The following NRG1 variants were observed in gnomAD, a reference collection of about 807,000 sequenced individuals.
NRG1 encodes the protein pro-neuregulin-1, membrane-bound isoform.
In NRG1, 18 loss-of-function variants were observed where a neutral mutation model predicts 63.8. The observed-to-expected ratio is 0.28, with a 90% CI of 0.19 to 0.42. The LOEUF is 0.42. Ranked by LOEUF, NRG1 falls within the 10% of genes least tolerant of loss-of-function variation. The probability of loss-of-function intolerance (pLI) is 1.00; values close to 1 mark genes in which losing one functional copy is unlikely to be tolerated. For synonymous variants in NRG1, 302 were observed against 301.3 expected, an observed-to-expected ratio of 1.00 and a Z score of -0.02; for missense variants, 762 against 814.7, an observed-to-expected ratio of 0.94 and a Z score of 0.79.
chr8:32,451,677 C>T (rs375713008), intron 1 of NRG1, among the ~76,000 whole-genome samples: 60 of 152,306 alleles, frequency 3.9e-4, no homozygotes, highest in African/African-American at 1.3e-3. Context: ...TTCTCCATGC[C>T]TCCTCAAGCT....
intron 1 of NRG1, among the ~76,000 whole-genome samples, chr8:32,414,325 G>A (rs2129485677): frequency 6.6e-6 from 1 of 152,258 alleles, no homozygotes; most frequent in Middle Eastern, 3.4e-3. Flanking sequence ...GACTCAACTG[G>A]TTTCTACCAC....
intron 1 of NRG1, among the ~76,000 whole-genome samples, chr8:31,835,812 G>A (rs563511542): frequency 6.6e-6 from 1 of 152,222 alleles, no homozygotes; most frequent in African/African-American, 2.4e-5. Context: ...TCAGTTTATA[G>A]AGTCTGCTAG....
At chr8:32,291,310 A>AAAG (rs1854170210) in intron 1 of NRG1, among the ~76,000 whole-genome samples, 1 of 152,188 alleles carries the variant, frequency 6.6e-6, no homozygotes, top group South Asian at 2.1e-4. Flanking sequence ...CATAACATAC[A>AAAG]AAGTTAGCCA....
chr8:32,735,859 C>A (rs1265133140), intron 6 of NRG1, among the ~76,000 whole-genome samples: 1 of 152,138 alleles, frequency 6.6e-6, no homozygotes, highest in Non-Finnish European at 1.5e-5. Context: ...GATTATATGT[C>A]CTGGACATTG....
intron 1 of NRG1, among the ~76,000 whole-genome samples, chr8:31,823,379 C>T (rs920568397): frequency 7.9e-5 from 12 of 151,984 alleles, no homozygotes; most frequent in African/African-American, 2.9e-4. Context: ...ATTATAAATT[C>T]AGTTTTATTA....
chr8:32,456,519 T>A (rs1230853312), intron 1 of NRG1, among the ~76,000 whole-genome samples: 2 of 152,186 alleles, frequency 1.3e-5, no homozygotes, highest in Non-Finnish European at 2.9e-5. Flanking sequence ...ATGACCAGGG[T>A]AAAGACCTTT....
intron 1 of NRG1, among the ~76,000 whole-genome samples, chr8:32,106,243 C>A (rs1221052681): frequency 6.6e-6 from 1 of 152,210 alleles, no homozygotes; most frequent in Non-Finnish European, 1.5e-5. Flanking sequence ...TTTTAACATA[C>A]ATGCTGATTT....
At chr8:32,353,072 G>A (rs1805851125) in intron 1 of NRG1, among the ~76,000 whole-genome samples, 1 of 150,292 alleles carries the variant, frequency 6.7e-6, no homozygotes, top group South Asian at 2.1e-4. Context: ...ACAAATTTCT[G>A]AAATGGACAA....
chr8:31,784,286 A>C (rs1397195694), intron 1 of NRG1, among the ~76,000 whole-genome samples: 1 of 152,198 alleles, frequency 6.6e-6, no homozygotes, highest in Non-Finnish European at 1.5e-5. Flanking sequence ...ATAAACACTC[A>C]CTACTTGTTA....
At chr8:31,835,390 G>A (rs1395906285) in intron 1 of NRG1, among the ~76,000 whole-genome samples, 1 of 152,116 alleles carries the variant, frequency 6.6e-6, no homozygotes, top group East Asian at 1.9e-4. Context: ...GCTGGTTTGA[G>A]AACATGTAGT....
intron 1 of NRG1, among the ~76,000 whole-genome samples, chr8:32,292,665 G>T (rs1223341817): frequency 6.6e-6 from 1 of 152,134 alleles, no homozygotes. Flanking sequence ...AAACTAAATG[G>T]TTAACTAATA....
chr8:31,936,772 CAG>C (rs1249342965), intron 1 of NRG1, among the ~76,000 whole-genome samples: 2 of 152,174 alleles, frequency 1.3e-5, no homozygotes, highest in Non-Finnish European at 2.9e-5. Flanking sequence ...ATTATCCCTT[CAG>C]GCTGTTGGAT....
intron 1 of NRG1, among the ~76,000 whole-genome samples, chr8:32,315,719 G>T (rs1020075945): frequency 6.6e-6 from 1 of 152,166 alleles, no homozygotes; most frequent in Non-Finnish European, 1.5e-5. Flanking sequence ...GTGAAATGAT[G>T]TAACTCTACG....
chr8:32,302,170 G>A (rs1469845824), intron 1 of NRG1, among the ~76,000 whole-genome samples: 1 of 152,130 alleles, frequency 6.6e-6, no homozygotes, highest in Middle Eastern at 3.2e-3. Context: ...TTATGGTCTT[G>A]GGGGTGCAGG....
intron 1 of NRG1, among the ~76,000 whole-genome samples, chr8:32,349,465 A>T (rs1015305807): frequency 6.6e-6 from 1 of 152,210 alleles, no homozygotes; most frequent in East Asian, 1.9e-4. Context: ...TCAAGGTACC[A>T]TACACATGGG....
chr8:31,662,369 T>A (rs1276395104), intron 1 of NRG1, among the ~76,000 whole-genome samples: 1 of 152,216 alleles, frequency 6.6e-6, no homozygotes. Context: ...AAAACAGCAC[T>A]TTTCCTGATG....
chr8:32,355,644 A>C (rs1806279466), intron 1 of NRG1, among the ~76,000 whole-genome samples: 2 of 149,380 alleles, frequency 1.3e-5, no homozygotes, highest in South Asian at 4.3e-4. Context: ...ATAAAGAAAA[A>C]AGACAGGGAT....
intron 1 of NRG1, among the ~76,000 whole-genome samples, chr8:32,261,490 A>G (rs538575651): frequency 1.3e-5 from 2 of 152,266 alleles, no homozygotes; most frequent in Admixed American, 6.5e-5. Context: ...CATTGCTGAC[A>G]CATGGACAGG....
chr8:31,962,769 C>T (rs1250697855), intron 1 of NRG1, among the ~76,000 whole-genome samples: 3 of 152,146 alleles, frequency 2.0e-5, no homozygotes, highest in Non-Finnish European at 4.4e-5. Context: ...TGCCATTTCT[C>T]TTATATTCAA....
Sources: allele counts gnomAD v4.1 joint callset (sites outside exome capture counted in the v4.1 genomes callset), GRCh38; gene constraint gnomAD v4.1.1; transcripts MANE v1.5; gene names NCBI Gene and HGNC (gene_info 2026-07-23, HGNC 2026-07-21).